C1QTNF3: variants seen among roughly 807,000 people sequenced by gnomAD.
C1QTNF3 encodes complement C1q tumor necrosis factor-related protein 3.
C1QTNF3 carries 26 observed loss-of-function variants against 32.6 expected under a neutral mutation model. The ratio of observed to expected loss-of-function variants is 0.80; its 90% confidence interval spans 0.58 to 1.11. The LOEUF (loss-of-function observed/expected upper bound fraction) is 1.11. C1QTNF3 is among the 50% of genes least tolerant of loss of function. The pLI is 0.00. For missense variants in C1QTNF3, 362 were observed against 398.2 expected (o/e 0.91, Z 0.77); for synonymous variants, 155 against 146.0 (o/e 1.06, Z -0.44).
At chr5:34,093,835 G>A in the C1QTNF3 span, among the ~76,000 whole-genome samples, 2 of 152,206 alleles carry the variant, frequency 1.3e-5, no homozygotes, top group African/African-American at 2.4e-5. Flanking sequence ...GAAACACGGC[G>A]GGGTTAGCCA....
At chr5:34,023,357 C>T (rs1754388594) in intron 5 of C1QTNF3, among the ~76,000 whole-genome samples, 1 of 152,198 alleles carries the variant, frequency 6.6e-6, no homozygotes, top group African/African-American at 2.4e-5. Flanking sequence ...AACAATTTCA[C>T]CTACCCTAAC....
At chr5:34,197,421 T>G in the C1QTNF3 span, among the ~76,000 whole-genome samples, 1 of 152,340 alleles carries the variant, frequency 6.6e-6, no homozygotes. Context: ...CCAAAATAAA[T>G]ATAAATGGAA....
chr5:34,026,097 T>G (rs1256364373), intron 4 of C1QTNF3, among the ~76,000 whole-genome samples: 1 of 152,162 alleles, frequency 6.6e-6, no homozygotes, highest in Non-Finnish European at 1.5e-5. Context: ...ATGAGTAGAA[T>G]TGAAAAACAA....
chr5:34,208,986 C>T, the C1QTNF3 span, among the ~76,000 whole-genome samples: 4 of 152,274 alleles, frequency 2.6e-5, no homozygotes, highest in Admixed American at 2.6e-4. Flanking sequence ...GTTTTTACTG[C>T]TGTAGGTAGT....
the C1QTNF3 span, among the ~76,000 whole-genome samples, chr5:34,228,322 CT>C: frequency 2.6e-5 from 4 of 151,476 alleles, no homozygotes; most frequent in African/African-American, 7.3e-5. Context: ...GAAATCCATT[CT>C]TTCAACAAAA....
At chr5:34,117,964 A>G in the C1QTNF3 span, among the ~76,000 whole-genome samples, 1 of 152,038 alleles carries the variant, frequency 6.6e-6, no homozygotes, top group African/African-American at 2.4e-5. Flanking sequence ...AAAAAAGAGT[A>G]GAAGAAATAT....
chr5:34,119,298 C>T, the C1QTNF3 span, among the ~76,000 whole-genome samples: 2 of 152,074 alleles, frequency 1.3e-5, no homozygotes, highest in African/African-American at 2.4e-5. Flanking sequence ...AAAAGCTTCC[C>T]CAGTTTTCTA....
chr5:34,207,944 T>C, the C1QTNF3 span, among the ~76,000 whole-genome samples: 15 of 152,026 alleles, frequency 9.9e-5, no homozygotes, highest in Admixed American at 2.0e-4. Context: ...CCCGCCACCG[T>C]GCCCGGCTAA....
chr5:34,053,646 T>C, the C1QTNF3 span, among the ~76,000 whole-genome samples: 170 of 152,322 alleles, frequency 1.1e-3, no homozygotes, highest in African/African-American at 4.0e-3. Context: ...GCAATAACAG[T>C]ACAACAGGAT....
At chr5:34,221,123 G>A in the C1QTNF3 span, among the ~76,000 whole-genome samples, 6 of 152,000 alleles carry the variant, frequency 3.9e-5, no homozygotes, top group Non-Finnish European at 4.4e-5. Flanking sequence ...TTGTAAAATC[G>A]AAATTGTTTG....
chr5:34,035,845 G>C, intron 1 of C1QTNF3, 87 bp from the exon 2 acceptor site: 1 of 965,592 alleles, frequency 1.0e-6, no homozygotes. Context: ...TGGCCCTTAG[G>C]TAAGCTTAAT....
At chr5:34,065,105 C>A in the C1QTNF3 span, among the ~76,000 whole-genome samples, 2 of 152,130 alleles carry the variant, frequency 1.3e-5, no homozygotes, top group African/African-American at 4.8e-5. Flanking sequence ...AGTAAACAGA[C>A]AACCTATGGA....
the C1QTNF3 span, among the ~76,000 whole-genome samples, chr5:34,244,384 C>T: frequency 2.0e-5 from 3 of 152,168 alleles, no homozygotes; most frequent in Admixed American, 2.0e-4. Flanking sequence ...AAAGCCTCCA[C>T]ACTGTGGAAA....
chr5:34,220,493 T>TACAC, the C1QTNF3 span, among the ~76,000 whole-genome samples: 101 of 145,846 alleles, frequency 6.9e-4, no homozygotes, highest in South Asian at 2.4e-3. Flanking sequence ...TCAGTTAGCA[T>TACAC]ACACACACAC....
chr5:34,207,705 T>G, the C1QTNF3 span, among the ~76,000 whole-genome samples: 8 of 152,156 alleles, frequency 5.3e-5, no homozygotes, highest in African/African-American at 1.9e-4. Flanking sequence ...AAAGAGGTTC[T>G]GAAGATTCCA....
At chr5:34,208,926 G>A in the C1QTNF3 span, among the ~76,000 whole-genome samples, 1 of 152,056 alleles carries the variant, frequency 6.6e-6, no homozygotes, top group Non-Finnish European at 1.5e-5. Context: ...CTCAACCAGG[G>A]GTGATTTTCA....
the C1QTNF3 span, among the ~76,000 whole-genome samples, chr5:34,090,189 G>T: frequency 4.3e-4 from 65 of 149,936 alleles, no homozygotes; most frequent in African/African-American, 1.5e-3. Flanking sequence ...CTGTATGGAC[G>T]ATCATAAAAA....
the C1QTNF3 span, chr5:34,158,027 T>C: frequency 6.6e-6 from 1 of 151,950 alleles, no homozygotes; most frequent in African/African-American, 2.4e-5. Flanking sequence ...CTCCATCTAC[T>C]CATATATTGT....
the C1QTNF3 span, among the ~76,000 whole-genome samples, chr5:34,092,238 A>G: frequency 2.0e-5 from 3 of 151,788 alleles, no homozygotes; most frequent in East Asian, 3.8e-4. Context: ...TATTTGATGT[A>G]ATGAGAGCAA....
Sources: gnomAD v4.1 joint callset for allele counts (sites outside exome capture counted in the v4.1 genomes callset) on GRCh38, gnomAD v4.1.1 for gene constraint, MANE v1.5 for transcripts, NCBI Gene and HGNC (gene_info 2026-07-23, HGNC 2026-07-21) for gene names.